GALNT17: variants seen among roughly 807,000 people sequenced by gnomAD.
The protein encoded by GALNT17 is UDP-GalNAc:polypeptide N-acetylgalactosaminyltransferase-like 3.
In GALNT17, 29 loss-of-function variants were observed where a neutral mutation model predicts 63.7. The observed-to-expected ratio is 0.46, with a 90% confidence interval of 0.34 to 0.62. The LOEUF is 0.62. GALNT17 is among the 20% of genes least tolerant of loss of function. The probability of loss-of-function intolerance (pLI) is 0.01; values close to 1 mark genes in which losing one functional copy is unlikely to be tolerated. For missense variants in GALNT17, 603 were observed against 799.6 expected, an observed-to-expected ratio of 0.75 and a Z score of 2.97; for synonymous variants, 305 against 318.3, an observed-to-expected ratio of 0.96 and a Z score of 0.45.
chr7:71,200,725 A>G (rs1045278807), intron 1 of GALNT17, among the ~76,000 whole-genome samples: 4 of 152,040 alleles, frequency 2.6e-5, no homozygotes, highest in African/African-American at 7.2e-5. Flanking sequence ...CTGCTCCTAC[A>G]TAGCTATGAT....
chr7:71,380,372 G>T (rs890669608), intron 2 of GALNT17, among the ~76,000 whole-genome samples: 1 of 152,088 alleles, frequency 6.6e-6, no homozygotes, highest in African/African-American at 2.4e-5. Context: ...ATCTTGTTCT[G>T]TTGACCAGGC....
chr7:71,433,019 C>T (rs971359858), intron 5 of GALNT17, among the ~76,000 whole-genome samples: 6 of 152,160 alleles, frequency 3.9e-5, no homozygotes, highest in Non-Finnish European at 5.9e-5. Context: ...CCATGTTGGC[C>T]AGGCTGGTCT....
At chr7:71,660,865 A>G (rs1790897777) in intron 6 of GALNT17, among the ~76,000 whole-genome samples, 1 of 152,178 alleles carries the variant, frequency 6.6e-6, no homozygotes, top group South Asian at 2.1e-4. Flanking sequence ...CCAGCCCATG[A>G]GCTGTGCTGG....
At chr7:71,704,067 ACAGGT>A (rs1791690622) in intron 9 of GALNT17, among the ~76,000 whole-genome samples, 1 of 152,154 alleles carries the variant, frequency 6.6e-6, no homozygotes, top group South Asian at 2.1e-4. Context: ...CAGTTGGAAC[ACAGGT>A]CTCCAGTGGG....
chr7:71,141,327 A>G (rs946975595), intron 1 of GALNT17, among the ~76,000 whole-genome samples: 24 of 151,678 alleles, frequency 1.6e-4, no homozygotes, highest in African/African-American at 5.8e-4. Flanking sequence ...AGATTGTGCC[A>G]TTGCACCGTA....
chr7:71,441,873 A>G (rs1326001904), intron 5 of GALNT17, among the ~76,000 whole-genome samples: 7 of 152,086 alleles, frequency 4.6e-5, no homozygotes, highest in Non-Finnish European at 1.0e-4. Context: ...TTCTTTATCC[A>G]GTTTATCATT....
At chr7:71,616,705 AT>A (rs1790209190) in intron 6 of GALNT17, among the ~76,000 whole-genome samples, 1 of 13,810 alleles carries the variant, frequency 7.2e-5, no homozygotes, top group East Asian at 0.25. Context: ...ATATATTGTG[AT>A]TGATGTATAT....
chr7:71,525,779 G>A (rs113870542), intron 5 of GALNT17, among the ~76,000 whole-genome samples: 5,897 of 118,252 alleles, frequency 0.05, 247 homozygotes, highest in African/African-American at 0.12. Context: ...TTGCTCTATC[G>A]CCCAGGCTGG....
chr7:71,155,826 G>A (rs1788225325), intron 1 of GALNT17, among the ~76,000 whole-genome samples: 1 of 151,768 alleles, frequency 6.6e-6, no homozygotes, highest in African/African-American at 2.4e-5. Context: ...GAAGTAGGTG[G>A]CTTGTCTGAA....
chr7:71,482,441 C>T (rs1787838044), intron 5 of GALNT17, among the ~76,000 whole-genome samples: 1 of 152,020 alleles, frequency 6.6e-6, no homozygotes, highest in East Asian at 1.9e-4. Context: ...TGAGCCACTG[C>T]ACCTGCCGAC....
intron 1 of GALNT17, among the ~76,000 whole-genome samples, chr7:71,248,727 CCCCATGCTTCTTTGTTCTTAG>C (rs768019449): frequency 7.2e-5 from 11 of 152,130 alleles, no homozygotes; most frequent in African/African-American, 9.7e-5. Flanking sequence ...ACTCATTTCC[CCCCATGCTTCTTTGTTCTTAG>C]CCTTTCTATA....
chr7:71,520,698 G>A lies in GALNT17; in HGVS notation c.963-50587G>A, dbSNP rs142798201. 5.5e-4 allele frequency among the ~76,000 whole-genome samples: 83 copies of A among 152,178 alleles called. No individual in the cohort carries two copies. The East Asian group carries it at 5.6e-3, about 10-fold the overall frequency. On this transcript the variant is annotated intron_variant, in intron 5 of 10. Coordinates refer to ENST00000333538, the MANE Select transcript of GALNT17 (RefSeq NM_022479.3). ...CATCCTGCCTGGCCCTGGAATCCCG[G>A]CAAACTCTTTATTCTCCATCAGTGT...
At chr7:71,526,081 A>G (rs1788619702) in intron 5 of GALNT17, among the ~76,000 whole-genome samples, 2 of 152,088 alleles carry the variant, frequency 1.3e-5, no homozygotes, top group Admixed American at 6.6e-5. Context: ...AGACCAATGC[A>G]CACACCTATA....
At chr7:71,381,824 C>A (rs1792852461) in intron 2 of GALNT17, among the ~76,000 whole-genome samples, 1 of 152,074 alleles carries the variant, frequency 6.6e-6, no homozygotes, top group Non-Finnish European at 1.5e-5. Flanking sequence ...GAGTGGAGCC[C>A]CTGGAGGTGT....
intron 2 of GALNT17, among the ~76,000 whole-genome samples, chr7:71,343,787 C>A (rs1250083232): frequency 6.6e-6 from 1 of 151,988 alleles, no homozygotes; most frequent in Non-Finnish European, 1.5e-5. Context: ...TAGAGAAGAG[C>A]TTTTTCAAAA....
rs145915764 is a variant in GALNT17, at chr7:71,187,830, G to A, written c.238+54790G>A. 1.3e-3 allele frequency among the ~76,000 whole-genome samples: 203 copies of A among 152,132 alleles called. 1 individual carries two copies. Among genetic ancestry groups the A allele is most frequent in the African/African-American group, 4.6e-3 (191 of 41,496 alleles). On this transcript the variant is annotated intron_variant, in intron 1 of 10. Coordinates refer to ENST00000333538, the MANE Select transcript of GALNT17 (RefSeq NM_022479.3). ...TAGTGGTGATTTGTGAAATTTTGGC[G>A]CACCTATCACCCGAGCAGTATACAC...
intron 1 of GALNT17, among the ~76,000 whole-genome samples, chr7:71,194,390 G>A (rs1789008129): frequency 6.6e-6 from 1 of 152,200 alleles, no homozygotes; most frequent in African/African-American, 2.4e-5. Context: ...CCCTACCTGG[G>A]AAAAGGGTAT....
chr7:71,314,236 T>C (rs1056031590), intron 1 of GALNT17, among the ~76,000 whole-genome samples: 7 of 151,720 alleles, frequency 4.6e-5, no homozygotes, highest in Admixed American at 2.0e-4. Flanking sequence ...GAATATTGAG[T>C]GTGTGTGTGA....
chr7:71,701,294 C>G (rs1791627249), intron 9 of GALNT17, among the ~76,000 whole-genome samples: 1 of 152,108 alleles, frequency 6.6e-6, no homozygotes, highest in African/African-American at 2.4e-5. Context: ...CAAGACCAGC[C>G]TGGCCAACCT....
Sources: allele counts gnomAD v4.1 joint callset (sites outside exome capture counted in the v4.1 genomes callset), GRCh38; gene constraint gnomAD v4.1.1; transcripts MANE v1.5; gene names NCBI Gene and HGNC (gene_info 2026-07-23, HGNC 2026-07-21).